The following KCNIP4 variants were observed in gnomAD, a reference collection of about 807,000 sequenced individuals.
KCNIP4 encodes the protein potassium voltage-gated channel interacting protein 4, also known as Kv channel-interacting protein 4.
Under a neutral mutation model 34.0 loss-of-function variants are expected in KCNIP4, and 12 were observed. The observed-to-expected ratio is 0.35, with a 90% CI of 0.23 to 0.57. The LOEUF is 0.57. Among genes scored for constraint, KCNIP4 ranks in the 20% least tolerant of loss-of-function variants. The pLI is 0.83. For missense variants in KCNIP4, 238 were observed against 311.7 expected, an observed-to-expected ratio of 0.76 and a Z score of 1.78; for synonymous variants, 124 against 102.2, an observed-to-expected ratio of 1.21 and a Z score of -1.29.
intron 3 of KCNIP4, among the ~76,000 whole-genome samples, chr4:20,819,147 A>G (rs1437710154): frequency 6.6e-6 from 1 of 152,058 alleles, no homozygotes; most frequent in East Asian, 1.9e-4. Context: ...GGCGTGAGCC[A>G]CAGCGCCTGG....
chr4:21,665,415 T>C (rs1291479138), intron 1 of KCNIP4, among the ~76,000 whole-genome samples: 2 of 152,046 alleles, frequency 1.3e-5, no homozygotes, highest in Non-Finnish European at 2.9e-5. Context: ...AGGTGATATA[T>C]TGCTAAAAAA....
chr4:20,887,213 T>C (rs1287186863), intron 1 of KCNIP4, among the ~76,000 whole-genome samples: 1 of 151,674 alleles, frequency 6.6e-6, no homozygotes, highest in African/African-American at 2.4e-5. Context: ...ATCTGAATAA[T>C]AGAAAAAGAT....
chr4:21,803,719 C>T (rs906470248), intron 1 of KCNIP4, among the ~76,000 whole-genome samples: 1 of 152,138 alleles, frequency 6.6e-6, no homozygotes, highest in Non-Finnish European at 1.5e-5. Context: ...TAGACACTTC[C>T]CCAGTGAAGC....
intron 1 of KCNIP4, among the ~76,000 whole-genome samples, chr4:20,932,479 A>G (rs1730581799): frequency 7.7e-6 from 1 of 129,106 alleles, no homozygotes; most frequent in Non-Finnish European, 1.6e-5. Context: ...AATAGTCTAT[A>G]ATAGTCTAAT....
chr4:21,530,973 A>G (rs73801662), intron 1 of KCNIP4, among the ~76,000 whole-genome samples: 10,418 of 152,224 alleles, frequency 0.068, 551 homozygotes, highest in South Asian at 0.17. Context: ...GTTTTCCAGA[A>G]GCTCCAAGAT....
At chr4:20,792,223 A>G (rs1018317637) in intron 3 of KCNIP4, among the ~76,000 whole-genome samples, 2 of 151,990 alleles carry the variant, frequency 1.3e-5, no homozygotes, top group Non-Finnish European at 2.9e-5. Context: ...AAAATACAAA[A>G]ATTAGCTGAG....
chr4:21,127,901 C>T (rs1009729829), intron 1 of KCNIP4, among the ~76,000 whole-genome samples: 1 of 152,210 alleles, frequency 6.6e-6, no homozygotes, highest in Admixed American at 6.5e-5. Flanking sequence ...TCAGTCCAGG[C>T]TTTGGAGCCA....
chr4:21,600,645 T>C (rs1037757264), intron 1 of KCNIP4, among the ~76,000 whole-genome samples: 1 of 152,104 alleles, frequency 6.6e-6, no homozygotes, highest in South Asian at 2.1e-4. Context: ...TTCTTCTTAT[T>C]TTCCAGCCAT....
intron 1 of KCNIP4, among the ~76,000 whole-genome samples, chr4:21,487,015 G>A (rs1384268683): frequency 6.6e-6 from 1 of 151,892 alleles, no homozygotes; most frequent in African/African-American, 2.4e-5. Context: ...TGCCCAAGCT[G>A]GTCTTGAACT....
At chr4:21,925,670 G>A (rs1191202934) in intron 1 of KCNIP4, among the ~76,000 whole-genome samples, 2 of 152,008 alleles carry the variant, frequency 1.3e-5, no homozygotes, top group South Asian at 2.1e-4. Context: ...ACTTCTTCAT[G>A]AAGGTCTCTA....
intron 1 of KCNIP4, among the ~76,000 whole-genome samples, chr4:21,483,775 G>C (rs1353883487): frequency 6.6e-6 from 1 of 151,660 alleles, no homozygotes; most frequent in South Asian, 2.1e-4. Context: ...GGGCGAAAGA[G>C]ACAGACTCCA....
At chr4:21,587,183 A>T (rs895374276) in intron 1 of KCNIP4, among the ~76,000 whole-genome samples, 2 of 152,104 alleles carry the variant, frequency 1.3e-5, no homozygotes, top group African/African-American at 4.8e-5. Flanking sequence ...TGGATTTATT[A>T]TCTGAGGGCA....
intron 5 of KCNIP4, among the ~76,000 whole-genome samples, chr4:20,739,923 T>C (rs1372169043): frequency 6.6e-6 from 1 of 152,132 alleles, no homozygotes; most frequent in Non-Finnish European, 1.5e-5. Context: ...CTGAAAACCA[T>C]GGCACAAGAA....
chr4:20,849,356 G>A (rs1435890002), intron 3 of KCNIP4, among the ~76,000 whole-genome samples: 38 of 143,522 alleles, frequency 2.6e-4, no homozygotes, highest in Non-Finnish European at 1.5e-5. Context: ...ATGGGAGAAA[G>A]ACAGACTCCA....
chr4:21,495,450 G>A (rs1732773048), intron 1 of KCNIP4, among the ~76,000 whole-genome samples: 1 of 152,158 alleles, frequency 6.6e-6, no homozygotes, highest in Admixed American at 6.5e-5. Context: ...ATCTTTGTGA[G>A]AATTGGAGGA....
intron 3 of KCNIP4, among the ~76,000 whole-genome samples, chr4:20,782,135 G>C (rs1303782605): frequency 6.6e-6 from 1 of 152,172 alleles, no homozygotes; most frequent in African/African-American, 2.4e-5. Flanking sequence ...GCTGATGCAA[G>C]AGGTGGGTTT....
chr4:20,840,776 T>G (rs1441934754), intron 3 of KCNIP4, among the ~76,000 whole-genome samples: 1 of 152,208 alleles, frequency 6.6e-6, no homozygotes, highest in Non-Finnish European at 1.5e-5. Context: ...TGTTACAGCA[T>G]TGATCCTTCT....
intron 1 of KCNIP4, among the ~76,000 whole-genome samples, chr4:21,355,897 T>A (rs943085851): frequency 7.2e-5 from 11 of 151,870 alleles, no homozygotes; most frequent in African/African-American, 2.7e-4. Flanking sequence ...GATGCAAAAA[T>A]CCTCAATAAA....
chr4:21,853,962 T>C (rs914890503), intron 1 of KCNIP4, among the ~76,000 whole-genome samples: 8 of 152,274 alleles, frequency 5.3e-5, no homozygotes, highest in Non-Finnish European at 8.8e-5. Flanking sequence ...CTTGAGACGA[T>C]AGAAGAACCA....
Sources: gnomAD v4.1 joint callset for allele counts (sites outside exome capture counted in the v4.1 genomes callset) on GRCh38, gnomAD v4.1.1 for gene constraint, MANE v1.5 for transcripts, NCBI Gene and HGNC (gene_info 2026-07-23, HGNC 2026-07-21) for gene names.